PACS1: variants seen among roughly 807,000 people sequenced by gnomAD.
PACS1 encodes the protein PACS-1.
A neutral mutation model predicts 115.0 loss-of-function variants in PACS1; 24 were observed. The observed-to-expected ratio is 0.21, with a 90% CI of 0.15 to 0.29. The LOEUF is 0.29. PACS1 is among the 10% of genes least tolerant of loss of function. The pLI is 1.00. For synonymous variants in PACS1, 453 were observed against 504.5 expected (o/e 0.90, Z 1.37); for missense variants, 838 against 1,251.2 (o/e 0.67, Z 4.98).
chr11:66,189,919 G>A (rs1474408835), intron 1 of PACS1, among the ~76,000 whole-genome samples: 2 of 152,172 alleles, frequency 1.3e-5, no homozygotes, highest in Non-Finnish European at 2.9e-5. Flanking sequence ...TCCAGAAATG[G>A]AATTCTCTGC....
Position 66,070,916 on chromosome 11 carries a change from C to A in PACS1, c.356+74C>A. ...CGGGGCCCAGCCCTCCCCGCCCCAG[C>A]GCCCATGGGGTCCCCGCCCTCCATC... On this transcript the variant is annotated intron_variant, in intron 1 of 23. Transcript: ENST00000320580. The surrounding 1 kb of genome is among the most constrained non-coding windows in gnomAD (Gnocchi z 5.9). The A allele has an allele frequency of 7.5e-7, 1 of 1,332,518 alleles. No individual in the cohort carries two copies. The highest frequency in any genetic ancestry group is 9.6e-7 in the Non-Finnish European group (1 of 1,039,112). The allele number at this position is 1,332,518 out of a possible 1,614,324, so 82.5% of individuals were successfully genotyped here.
intron 2 of PACS1, among the ~76,000 whole-genome samples, chr11:66,204,844 A>G (rs1045236883): frequency 5.3e-5 from 8 of 152,134 alleles, no homozygotes; most frequent in East Asian, 1.9e-4. Flanking sequence ...CATAGAATGA[A>G]TAAGACCTGG....
intron 13 of PACS1, among the ~76,000 whole-genome samples, chr11:66,231,479 G>A (rs1027444787): frequency 6.6e-6 from 1 of 152,208 alleles, no homozygotes; most frequent in East Asian, 1.9e-4. Context: ...CCTTTTGAAG[G>A]CCTGTGGTGT....
chr11:66,134,276 T>TTTG (rs1409518390), intron 1 of PACS1, among the ~76,000 whole-genome samples: 11 of 135,916 alleles, frequency 8.1e-5, no homozygotes, highest in Admixed American at 7.6e-5. Context: ...TTTTTTTTTT[T>TTTG]TTTGAGACGG....
At chr11:66,186,952 GTCTTACCTGT>G (rs1854392520) in intron 1 of PACS1, among the ~76,000 whole-genome samples, 1 of 152,138 alleles carries the variant, frequency 6.6e-6, no homozygotes, top group Non-Finnish European at 1.5e-5. Flanking sequence ...CCACATGTTG[GTCTTACCTGT>G]TCTTGAACTT....
chr11:66,219,618 G>A, intron 7 of PACS1, 128 bp from the exon 8 acceptor site: 1 of 785,376 alleles, frequency 1.3e-6, no homozygotes, highest in Non-Finnish European at 2.3e-6. Context: ...CAAGGGCAGA[G>A]ACCAAGTCCT....
At chr11:66,237,772 C>CA (rs776532390) in intron 19 of PACS1, among the ~76,000 whole-genome samples, 8 of 152,154 alleles carry the variant, frequency 5.3e-5, no homozygotes, top group Non-Finnish European at 1.0e-4. Context: ...GCAACCTCAC[C>CA]AAATGCCAGG....
intron 1 of PACS1, among the ~76,000 whole-genome samples, chr11:66,086,134 CTTTTTTTTTTT>C (rs1196106929): frequency 8.1e-6 from 1 of 122,816 alleles, no homozygotes; most frequent in Non-Finnish European, 1.7e-5. Flanking sequence ...CTTATGATTT[CTTTTTTTTTTT>C]TTTTTTTTTT....
In PACS1 at chr11:66,086,199, G is replaced by A. The variant is rs1356793080; in HGVS notation, c.356+15357G>A. 3.4e-5 allele frequency among the ~76,000 whole-genome samples: 5 copies of A among 148,572 alleles called. No homozygotes were observed. The South Asian group carries it at 8.5e-4, about 25-fold the overall frequency. On this transcript the variant is annotated intron_variant, in intron 1 of 23. Transcript: ENST00000320580. ...GTCGCCCAGGCTGGAGTGCAGTGGC[G>A]CGATCTCGGCTCACTGCAGGCTCCG... is the stretch of plus-strand genomic sequence containing the variant.
At chr11:66,152,285 G>C (rs555473484) in intron 1 of PACS1, among the ~76,000 whole-genome samples, 2 of 152,316 alleles carry the variant, frequency 1.3e-5, no homozygotes, top group African/African-American at 4.8e-5. Context: ...ACAGAGAAAA[G>C]AATCTGTGCC....
rs76800882 is a variant in PACS1 at position 66,184,396 on chromosome 11, C to T, written c.357-9090C>T. On this transcript the variant is annotated intron_variant, in intron 1 of 23. Transcript: ENST00000320580. ...TCTCTTAGTGAGCCTCTCAAGTTTGCATGAGAGTAGGTTAGAAACAGCTGT... is the reference window on the plus strand; with the variant it reads ...TCTCTTAGTGAGCCTCTCAAGTTTGTATGAGAGTAGGTTAGAAACAGCTGT... Among the ~76,000 whole-genome samples, 6 of 150,326 alleles carry T rather than the reference C, an allele frequency of 4.0e-5. No individual in the cohort carries two copies. In the East Asian group the frequency reaches 1.2e-3, roughly 29 times the overall value.
chr11:66,203,690 A>T (rs1854869480), intron 2 of PACS1, among the ~76,000 whole-genome samples: 1 of 152,214 alleles, frequency 6.6e-6, no homozygotes, highest in African/African-American at 2.4e-5. Flanking sequence ...ATAATCTAGC[A>T]ATAAATCCAT....
In PACS1 at chr11:66,233,634, A is replaced by C. The variant is rs967199623; in HGVS notation, c.1839-151A>C. ...CTTGGTTGTGAAAGCACTGTGGCTT[A>C]TTCCCTGTATGATCCTCTCTGTTTT... is the stretch of plus-strand genomic sequence containing the variant. On this transcript the variant is annotated intron_variant, in intron 15 of 23. Coordinates refer to ENST00000320580, the MANE Select transcript of PACS1 (RefSeq NM_018026.4). The surrounding 1 kb of genome is among the most constrained non-coding windows in gnomAD (Gnocchi z 4.5). 3 of 698,800 alleles carry C rather than the reference A, an allele frequency of 4.3e-6. No homozygotes were observed. The African/African-American group carries it at 5.4e-5, about 13-fold the overall frequency. 43.3% of individuals were successfully genotyped at this position (698,800 alleles called of 1,614,324 possible).
At chr11:66,083,259 T>C in intron 1 of PACS1, among the ~76,000 whole-genome samples, 1 of 152,186 alleles carries the variant, frequency 6.6e-6, no homozygotes, top group East Asian at 1.9e-4. Flanking sequence ...ATTTCCTCTC[T>C]GCCACCAAGA....
intron 2 of PACS1, among the ~76,000 whole-genome samples, chr11:66,194,486 C>T (rs1411004626): frequency 1.3e-5 from 2 of 152,158 alleles, no homozygotes; most frequent in Non-Finnish European, 2.9e-5. Flanking sequence ...TATAGAAGGG[C>T]TCAGGAATTT....
chr11:66,190,411 A>G (rs1281500036), intron 1 of PACS1, among the ~76,000 whole-genome samples: 2 of 152,036 alleles, frequency 1.3e-5, no homozygotes, highest in Non-Finnish European at 2.9e-5. Context: ...AGTTAACTAC[A>G]TTTGTTTTTG....
intron 1 of PACS1, among the ~76,000 whole-genome samples, chr11:66,075,477 A>G (rs1857378747): frequency 6.6e-6 from 1 of 152,084 alleles, no homozygotes; most frequent in Non-Finnish European, 1.5e-5. Context: ...CCTGGGCTCA[A>G]GTGATCCTCC....
At chr11:66,178,796 C>G (rs1859936279) in intron 1 of PACS1, among the ~76,000 whole-genome samples, 1 of 151,968 alleles carries the variant, frequency 6.6e-6, no homozygotes, top group South Asian at 2.1e-4. Context: ...GTTACAGTAT[C>G]AACAATAGTC....
At chr11:66,126,721 AT>A (rs1858582983) in intron 1 of PACS1, among the ~76,000 whole-genome samples, 1 of 152,124 alleles carries the variant, frequency 6.6e-6, no homozygotes. Context: ...GTCCTTTTGC[AT>A]TGGCAGTTAT....
Sources: gnomAD v4.1 joint callset for allele counts (sites outside exome capture counted in the v4.1 genomes callset) on GRCh38, gnomAD v4.1.1 for gene constraint, Gnocchi (gnomAD v3.1) non-coding constraint, MANE v1.5 for transcripts, NCBI Gene and HGNC (gene_info 2026-07-23, HGNC 2026-07-21) for gene names.